The following MRPL19 variants were observed in gnomAD, a reference collection of about 807,000 sequenced individuals.
The protein encoded by MRPL19 is mitochondrial ribosomal protein L19.
MRPL19 carries 31 observed loss-of-function variants against 34.0 expected under a neutral mutation model. The ratio of observed to expected loss-of-function variants is 0.91; its 90% CI spans 0.68 to 1.23. The LOEUF (loss-of-function observed/expected upper bound fraction) is 1.23. Among genes scored for constraint, MRPL19 ranks in the 50% most tolerant of loss-of-function variants. MRPL19 has a pLI of 0.00. For missense variants in MRPL19, 384 were observed against 367.6 expected (o/e 1.04, Z -0.37); for synonymous variants, 152 against 127.7 (o/e 1.19, Z -1.28).
rs1241699566 is a variant in MRPL19, at chr2:75,659,177, G to T, written c.*3892G>T. On this transcript the variant is annotated 3_prime_UTR_variant, in exon 6 of 6. Transcript: ENST00000393909. ...TCCCCTTTGTGTATATTTGTTAGAT[G>T]TTTTATTTGTGGTTGCTATGGGGAT... Among the ~76,000 whole-genome samples, 1 of 151,668 alleles carries T rather than the reference G, an allele frequency of 6.6e-6. No homozygotes were observed. The highest frequency in any genetic ancestry group is 1.5e-5 in the Non-Finnish European group (1 of 67,916).
rs1678461395 is a variant in MRPL19, at chr2:75,656,681, A to G, written c.*1396A>G. On this transcript the variant is annotated 3_prime_UTR_variant, in exon 6 of 6. Transcript: ENST00000393909. The stretch of plus-strand genomic sequence containing the variant: ...TTCTATTGTTGTATTGAGAAATCCA[A>G]TGCCATTTTGATTTCCCCATCATAA... The G allele has an allele frequency of 1.3e-5, 2 of 152,054 alleles. No homozygotes were observed. Among genetic ancestry groups the G allele is most frequent in the South Asian group, 2.1e-4 (1 of 4,814 alleles). The allele number at this position is 152,054 out of a possible 1,614,324, so 9.4% of individuals were successfully genotyped here. A position where few individuals can be genotyped will look rare whatever the true frequency, so the allele number is the denominator to read the frequency against.
chr2:75,647,455 T>C (rs1678248727), intron 2 of MRPL19: 3 of 519,798 alleles, frequency 5.8e-6, no homozygotes, highest in Non-Finnish European at 1.0e-5. Context: ...TTCCCCATAT[T>C]TTAAACTCTT....
At chr2:75,651,641 G>A (rs1219852508) in intron 2 of MRPL19, 1 of 343,540 alleles carries the variant, frequency 2.9e-6, no homozygotes, top group Non-Finnish European at 5.6e-6. Flanking sequence ...CTCTGATCAG[G>A]AAGATCATTT....
chr2:75,646,835 T>C lies in MRPL19; in HGVS notation c.28T>C (p.Trp10Arg). 3 of 1,583,624 alleles carry C rather than the reference T, an allele frequency of 1.9e-6. No homozygotes were observed. Among genetic ancestry groups the C allele is most frequent in the Non-Finnish European group, 2.6e-6 (3 of 1,164,880 alleles). Residue 10 changes from tryptophan to arginine, a missense_variant, in exon 1 of 6, where the codon TGG becomes CGG. Trp to Arg is a moderately radical substitution (Grantham distance 101, BLOSUM62 -3). Coordinates refer to ENST00000393909, the MANE Select transcript of MRPL19 (RefSeq NM_014763.4). ...GGCGGCCTGCATTGCAGCGGGGCAC[T>C]GGGCTGCAATGGGCCTAGGCCGGAG... MAACIAAGH[W>R]AAMGLGRSFQ...
In MRPL19 at chr2:75,655,275, A is replaced by G. The variant is rs545427094; in HGVS notation, c.869A>G (p.Lys290Arg). 19 of 1,611,682 alleles carry G rather than the reference A, an allele frequency of 1.2e-5. No homozygotes were observed. In the African/African-American group the frequency reaches 2.5e-4, roughly 22 times the overall value. ...ATATGGAAGGAAATTGAAGCGTCGA[A>G]AAGGTCTTGATTCTGAGAATGAATT... Reference protein sequence around the residue: ...AAIWKEIEASKRS With the variant: ...AAIWKEIEASRRS The change falls in exon 6 of 6, where the codon AAA becomes AGA. Residue 290 changes from lysine (K) to arginine (R), a missense_variant. Coordinates refer to ENST00000393909, the MANE Select transcript of MRPL19 (RefSeq NM_014763.4).
In MRPL19 at chr2:75,655,097, A is replaced by G. The variant is rs1678416762; in HGVS notation, c.691A>G (p.Lys231Glu). Reference protein sequence around the residue: ...KVKMKPKPWSKRWERPNFNIK... With the variant: ...KVKMKPKPWSERWERPNFNIK... ...AAAAATGAAGCCTAAGCCCTGGTCT[A>G]AACGCTGGGAACGTCCAAATTTTAA... Residue 231 changes from lysine to glutamate, a missense_variant, in exon 6 of 6, where the codon AAA becomes GAA. Physicochemically the swap from Lys to Glu is moderately conservative, Grantham distance 56. Coordinates refer to ENST00000393909, the MANE Select transcript of MRPL19 (RefSeq NM_014763.4). 2 of 1,609,584 alleles carry G rather than the reference A, an allele frequency of 1.2e-6. No individual in the cohort carries two copies. The highest frequency in any genetic ancestry group is 8.5e-7 in the Non-Finnish European group (1 of 1,178,928).
In MRPL19 at chr2:75,646,912, TA is replaced by T. The variant is rs773912024; in HGVS notation, c.103+4del. On this transcript the variant is annotated splice_donor_region_variant and intron_variant, in intron 1 of 5. Transcript: ENST00000393909. ...CCCCGCCGGCCTCTATCGCCTGCAGTAAGTGGAGCCGGACTTGCGAGCTGGG... is the reference window on the plus strand; with the variant it reads ...CCCCGCCGGCCTCTATCGCCTGCAGTAGTGGAGCCGGACTTGCGAGCTGGG... 7.6e-6 allele frequency: 12 copies of T among 1,584,986 alleles called. No individual in the cohort carries two copies. Among genetic ancestry groups the T allele is most frequent in the Middle Eastern group, 1.7e-4 (1 of 5,954 alleles).
intron 5 of MRPL19, 58 bp downstream of exon 5, chr2:75,654,975 A>C: frequency 1.3e-6 from 2 of 1,538,306 alleles, no homozygotes; most frequent in Non-Finnish European, 1.8e-6. Context: ...AGAAAGAATC[A>C]TCTTAATGAA....
chr2:75,652,437 ATTTGTTTG>A, intron 3 of MRPL19, 78 bp from the exon 4 acceptor site: 1 of 1,483,600 alleles, frequency 6.7e-7, no homozygotes, highest in East Asian at 2.3e-5. Flanking sequence ...TAGAAATGCT[ATTTGTTTG>A]TTTCTGCATC....
intron 2 of MRPL19, 47 bp from the exon 3 acceptor site, chr2:75,652,095 G>T: frequency 8.8e-7 from 1 of 1,133,900 alleles, no homozygotes; most frequent in Non-Finnish European, 1.2e-6. Flanking sequence ...TTTTCTTCTA[G>T]CAGCCTTTTG....
At chr2:75,648,587 C>T (rs1283844610) in intron 2 of MRPL19, among the ~76,000 whole-genome samples, 6 of 151,928 alleles carry the variant, frequency 3.9e-5, no homozygotes, top group Middle Eastern at 3.2e-3. Context: ...AGGCCGGGTG[C>T]GGTGGCTCAC....
intron 5 of MRPL19, 40 bp from the exon 6 acceptor site, chr2:75,655,024 T>C: frequency 4.1e-6 from 6 of 1,467,270 alleles, no homozygotes; most frequent in Non-Finnish European, 5.5e-6. Flanking sequence ...ATCAGCCTAA[T>C]TATTGCTTTT....
At chr2:75,650,329 G>A (rs904147292) in intron 2 of MRPL19, among the ~76,000 whole-genome samples, 4 of 152,150 alleles carry the variant, frequency 2.6e-5, no homozygotes, top group African/African-American at 9.7e-5. Context: ...TTTCACCTTT[G>A]TAAGACTTAC....
rs1207788117 is a variant in MRPL19, at chr2:75,657,291, G to C, written c.*2006G>C. 6.6e-6 allele frequency: 1 copy of C among 151,962 alleles called. No individual in the cohort carries two copies. Among genetic ancestry groups the C allele is most frequent in the African/African-American group, 2.4e-5 (1 of 41,410 alleles). 9.4% of individuals were successfully genotyped at this position (151,962 alleles called of 1,614,324 possible). ...TAGGATTATCTGAATGGGCTTTTTT[G>C]GGAGTCCCCTCCTCCACATGAATAT... On this transcript the variant is annotated 3_prime_UTR_variant, in exon 6 of 6. Coordinates refer to ENST00000393909, the MANE Select transcript of MRPL19 (RefSeq NM_014763.4).
chr2:75,653,349 A>C (rs1179703649), intron 4 of MRPL19, among the ~76,000 whole-genome samples: 5 of 152,214 alleles, frequency 3.3e-5, no homozygotes, highest in Admixed American at 3.3e-4. Flanking sequence ...AGCAGGACTT[A>C]ATTGATTTGT....
Position 75,661,198 on chromosome 2 carries a change from A to G in MRPL19, c.*5913A>G, listed in dbSNP as rs1678608617. 1 of 152,194 alleles carries G rather than the reference A, an allele frequency of 6.6e-6. No homozygotes were observed. The highest frequency in any genetic ancestry group is 1.5e-5 in the Non-Finnish European group (1 of 68,036). 9.4% of individuals were successfully genotyped at this position (152,194 alleles called of 1,614,324 possible). A position where few individuals can be genotyped will look rare whatever the true frequency, so the allele number is the denominator to read the frequency against. Reference sequence around the variant, plus strand: ...GCTTGTGGGGGAAGGGCAAGCAGAAATGTCACAAAGCTTTCTTGCCATTTT... The same window carrying G: ...GCTTGTGGGGGAAGGGCAAGCAGAAGTGTCACAAAGCTTTCTTGCCATTTT... On this transcript the variant is annotated 3_prime_UTR_variant, in exon 6 of 6. Transcript: ENST00000393909.
intron 2 of MRPL19, among the ~76,000 whole-genome samples, chr2:75,650,616 A>G (rs1249891826): frequency 6.6e-6 from 1 of 152,176 alleles, no homozygotes; most frequent in Non-Finnish European, 1.5e-5. Context: ...CAGAGGCACA[A>G]ACAAGGCAGA....
Position 75,659,914 on chromosome 2 carries a change from T to C in MRPL19, c.*4629T>C, listed in dbSNP as rs1033449011. Among the ~76,000 whole-genome samples the C allele has an allele frequency of 2.0e-5, 3 of 152,306 alleles. No homozygotes were observed. Among genetic ancestry groups the C allele is most frequent in the South Asian group, 2.1e-4 (1 of 4,828 alleles). On this transcript the variant is annotated 3_prime_UTR_variant, in exon 6 of 6. Transcript: ENST00000393909. Reference sequence around the variant, plus strand: ...TGGAGTCATAGATTTATGTCTTTTATCAAATTTTGGACATATTTGGCTATT... The same window carrying C: ...TGGAGTCATAGATTTATGTCTTTTACCAAATTTTGGACATATTTGGCTATT...
rs969529994 is a variant in MRPL19, at chr2:75,657,958, A to G, written c.*2673A>G. On this transcript the variant is annotated 3_prime_UTR_variant, in exon 6 of 6. Transcript: ENST00000393909. ...AGTCAGAGGCATTAATTACATCACAATGTTGTGAAATTATTACTACTATTT... is the reference window on the plus strand; with the variant it reads ...AGTCAGAGGCATTAATTACATCACAGTGTTGTGAAATTATTACTACTATTT... 1 of 152,136 alleles carries G rather than the reference A, an allele frequency of 6.6e-6. No homozygotes were observed. Among genetic ancestry groups the G allele is most frequent in the African/African-American group, 2.4e-5 (1 of 41,444 alleles). 9.4% of individuals were successfully genotyped at this position (152,136 alleles called of 1,614,324 possible).
Sources: gnomAD v4.1 joint callset for allele counts (sites outside exome capture counted in the v4.1 genomes callset) on GRCh38, gnomAD v4.1.1 for gene constraint, MANE v1.5 for transcripts, NCBI Gene and HGNC (gene_info 2026-07-23, HGNC 2026-07-21) for gene names.